CSMD1: variants seen among roughly 807,000 people sequenced by gnomAD.
The protein encoded by CSMD1 is CUB and sushi domain-containing protein 1.
In CSMD1, 213 loss-of-function variants were observed where a neutral mutation model predicts 417.5. The ratio of observed to expected loss-of-function variants is 0.51; its 90% CI spans 0.46 to 0.57. The LOEUF (loss-of-function observed/expected upper bound fraction) is 0.57. Ranked by LOEUF, CSMD1 falls within the 20% of genes least tolerant of loss-of-function variation. CSMD1 has a pLI of 0.00. For synonymous variants in CSMD1, 2,862 were observed against 1,736.8 expected (o/e 1.65, Z -16.11); for missense variants, 6,923 against 4,529.7 (o/e 1.53, Z -15.17).
At chr8:4,417,811 T>C (rs1797029209) in intron 3 of CSMD1, among the ~76,000 whole-genome samples, 1 of 152,014 alleles carries the variant, frequency 6.6e-6, no homozygotes, top group Admixed American at 6.6e-5. Context: ...CATGTACAAA[T>C]TGGTGTATTT....
At chr8:3,748,843 C>A (rs1290294244) in intron 6 of CSMD1, among the ~76,000 whole-genome samples, 1 of 152,172 alleles carries the variant, frequency 6.6e-6, no homozygotes, top group South Asian at 2.1e-4. Context: ...TAAAAACAAA[C>A]TAATTATTTG....
intron 8 of CSMD1, among the ~76,000 whole-genome samples, chr8:3,588,536 C>G (rs1800702288): frequency 1.3e-5 from 2 of 152,134 alleles, no homozygotes; most frequent in Non-Finnish European, 2.9e-5. Context: ...ATTTCAACGA[C>G]TGCAGCACAC....
At chr8:4,163,365 T>C (rs1182636869) in intron 3 of CSMD1, among the ~76,000 whole-genome samples, 1 of 152,168 alleles carries the variant, frequency 6.6e-6, no homozygotes, top group East Asian at 1.9e-4. Flanking sequence ...TAACTCAGAG[T>C]TATTTTACTC....
intron 1 of CSMD1, among the ~76,000 whole-genome samples, chr8:4,759,802 C>T (rs1182399929): frequency 6.6e-6 from 1 of 152,130 alleles, no homozygotes; most frequent in East Asian, 1.9e-4. Flanking sequence ...TTTCTTTATC[C>T]AGTGTGTCAC....
chr8:3,450,854 G>T (rs1168647718), intron 12 of CSMD1, among the ~76,000 whole-genome samples: 2 of 151,550 alleles, frequency 1.3e-5, no homozygotes, highest in South Asian at 4.2e-4. Flanking sequence ...TGGGTCAAAT[G>T]GTAATTCTAG....
intron 3 of CSMD1, among the ~76,000 whole-genome samples, chr8:4,220,109 C>T (rs967599186): frequency 6.6e-6 from 1 of 152,092 alleles, no homozygotes; most frequent in Non-Finnish European, 1.5e-5. Context: ...GCCACCATGC[C>T]CAGCTGATTT....
At chr8:4,500,603 G>A (rs1260696464) in intron 2 of CSMD1, among the ~76,000 whole-genome samples, 4 of 152,056 alleles carry the variant, frequency 2.6e-5, no homozygotes, top group Admixed American at 6.6e-5. Context: ...AATGGCATTC[G>A]GGGAACTGGT....
At chr8:4,052,906 T>C (rs2554540) in intron 3 of CSMD1, among the ~76,000 whole-genome samples, 137,471 of 152,192 alleles carry the variant, frequency 0.9, 62,287 homozygotes, top group East Asian at 0.99. Context: ...ATGCCAGACG[T>C]ACTGAACTAG....
At chr8:4,584,834 T>G (rs1799620010) in intron 2 of CSMD1, among the ~76,000 whole-genome samples, 1 of 152,176 alleles carries the variant, frequency 6.6e-6, no homozygotes, top group Admixed American at 6.6e-5. Context: ...CTTTTCTAGT[T>G]TCTCCTATAA....
chr8:4,353,376 C>A (rs1389628197), intron 3 of CSMD1, among the ~76,000 whole-genome samples: 1 of 152,104 alleles, frequency 6.6e-6, no homozygotes, highest in Non-Finnish European at 1.5e-5. Flanking sequence ...TGTGAGGCCT[C>A]CCCAGCCGTG....
intron 10 of CSMD1, among the ~76,000 whole-genome samples, chr8:3,499,349 G>C (rs538147759): frequency 6.6e-6 from 1 of 152,166 alleles, no homozygotes; most frequent in East Asian, 1.9e-4. Flanking sequence ...TGGAGACTTT[G>C]GGGTGGCCTT....
At chr8:3,766,938 C>A (rs182203777) in intron 5 of CSMD1, among the ~76,000 whole-genome samples, 1 of 152,126 alleles carries the variant, frequency 6.6e-6, no homozygotes, top group African/African-American at 2.4e-5. Flanking sequence ...ACGAGTCCGA[C>A]GGCAACAGAT....
intron 3 of CSMD1, among the ~76,000 whole-genome samples, chr8:4,271,002 G>T (rs749015273): frequency 9.2e-5 from 14 of 152,156 alleles, no homozygotes; most frequent in Non-Finnish European, 1.5e-4. Context: ...ATTTTAAATT[G>T]TTATGAGAGC....
chr8:3,508,881 C>T (rs1341844114), intron 10 of CSMD1, among the ~76,000 whole-genome samples: 2 of 152,128 alleles, frequency 1.3e-5, no homozygotes, highest in African/African-American at 4.8e-5. Flanking sequence ...CCAGTTAGAG[C>T]CATGAGACAG....
At chr8:3,975,930 T>C (rs529020389) in intron 5 of CSMD1, among the ~76,000 whole-genome samples, 209 of 152,328 alleles carry the variant, frequency 1.4e-3, no homozygotes, top group African/African-American at 4.5e-3. Context: ...AAAAGTTATT[T>C]GCAGTATGTT....
intron 7 of CSMD1, among the ~76,000 whole-genome samples, chr8:3,701,972 G>C (rs1397116952): frequency 6.6e-6 from 1 of 151,916 alleles, no homozygotes; most frequent in East Asian, 1.9e-4. Context: ...TTTGCTTCAG[G>C]TCTCTTTTTT....
chr8:3,906,899 A>G (rs1808153675), intron 5 of CSMD1, among the ~76,000 whole-genome samples: 1 of 152,220 alleles, frequency 6.6e-6, no homozygotes, highest in African/African-American at 2.4e-5. Flanking sequence ...GGCAGCTCCA[A>G]CATTATCCTG....
chr8:3,626,981 A>T (rs1796522681), intron 7 of CSMD1, among the ~76,000 whole-genome samples: 1 of 151,862 alleles, frequency 6.6e-6, no homozygotes, highest in South Asian at 2.1e-4. Context: ...TTTGTTTACC[A>T]TAGTACGATA....
intron 62 of CSMD1, among the ~76,000 whole-genome samples, chr8:2,959,296 G>A (rs1171969135): frequency 1.3e-5 from 2 of 151,768 alleles, no homozygotes; most frequent in South Asian, 4.2e-4. Flanking sequence ...GTAGAAATAG[G>A]GTCTTGCTAT....
Sources: allele counts gnomAD v4.1 joint callset (sites outside exome capture counted in the v4.1 genomes callset), GRCh38; gene constraint gnomAD v4.1.1; transcripts MANE v1.5; gene names NCBI Gene and HGNC (gene_info 2026-07-23, HGNC 2026-07-21).